The following TMCC1 variants were observed in gnomAD, a reference collection of about 807,000 sequenced individuals.
TMCC1 encodes the protein transmembrane and coiled-coil domains protein 1.
In TMCC1, 15 loss-of-function variants were observed where a neutral mutation model predicts 52.4. The observed-to-expected ratio is 0.29, with a 90% CI of 0.19 to 0.44. TMCC1 has a LOEUF of 0.44. Among genes scored for constraint, TMCC1 ranks in the 20% least tolerant of loss-of-function variants. The pLI is 1.00. For synonymous variants in TMCC1, 279 were observed against 301.9 expected, an observed-to-expected ratio of 0.92 and a Z score of 0.79; for missense variants, 503 against 806.0, an observed-to-expected ratio of 0.62 and a Z score of 4.55.
intron 4 of TMCC1, among the ~76,000 whole-genome samples, chr3:129,818,162 C>T (rs1055473440): frequency 6.6e-5 from 10 of 151,814 alleles, no homozygotes; most frequent in Non-Finnish European, 1.5e-4. Flanking sequence ...AAGCTGGTCT[C>T]GAACTCCCAA....
chr3:129,721,961 T>A (rs898885923), intron 4 of TMCC1, among the ~76,000 whole-genome samples: 1 of 152,232 alleles, frequency 6.6e-6, no homozygotes, highest in Non-Finnish European at 1.5e-5. Context: ...CAGTTTTATG[T>A]ATCTAGATTG....
chr3:129,796,922 T>A (rs1020374098), intron 4 of TMCC1, among the ~76,000 whole-genome samples: 6 of 152,142 alleles, frequency 3.9e-5, no homozygotes, highest in Non-Finnish European at 8.8e-5. Context: ...CACAAAAAAA[T>A]GAATTTGAAA....
Position 129,880,350 on chromosome 3 carries a change from G to C in TMCC1, c.-225C>G, listed in dbSNP as rs2061405784. On this transcript the variant is annotated 5_prime_UTR_variant, in exon 2 of 7. Transcript: ENST00000393238. Reference sequence around the variant, plus strand: ...CAATAGCTTCCCTTTCTTTGCATAGGTGAGGATGAACAGTTGTAATCCAAA... The same window carrying C: ...CAATAGCTTCCCTTTCTTTGCATAGCTGAGGATGAACAGTTGTAATCCAAA... 6.6e-6 allele frequency: 1 copy of C among 152,184 alleles called. No individual in the cohort carries two copies. Among genetic ancestry groups the C allele is most frequent in the Non-Finnish European group, 1.5e-5 (1 of 68,030 alleles). The allele number at this position is 152,184 out of a possible 1,614,324, so 9.4% of individuals were successfully genotyped here. A position where few individuals can be genotyped will look rare whatever the true frequency, so the allele number is the denominator to read the frequency against.
intron 4 of TMCC1, among the ~76,000 whole-genome samples, chr3:129,730,294 GTTTA>G (rs1477003567): frequency 1.3e-5 from 2 of 151,950 alleles, no homozygotes; most frequent in African/African-American, 4.8e-5. Flanking sequence ...AAGTTTCATA[GTTTA>G]TTTTATATAT....
intron 5 of TMCC1, among the ~76,000 whole-genome samples, chr3:129,669,138 T>C (rs1028022029): frequency 1.3e-5 from 2 of 152,182 alleles, no homozygotes; most frequent in Non-Finnish European, 2.9e-5. Flanking sequence ...TAACTCTTCT[T>C]AGAGATAATT....
At chr3:129,820,253 G>T (rs578112148) in intron 4 of TMCC1, among the ~76,000 whole-genome samples, 1 of 151,474 alleles carries the variant, frequency 6.6e-6, no homozygotes, top group East Asian at 1.9e-4. Flanking sequence ...ACTTCATCTT[G>T]TTTCTTCACT....
intron 4 of TMCC1, among the ~76,000 whole-genome samples, chr3:129,751,461 T>C (rs1398161151): frequency 9.2e-5 from 14 of 151,974 alleles, no homozygotes; most frequent in Admixed American, 8.5e-4. Context: ...GCCCAGGAGT[T>C]TGAGGCTGCA....
At chr3:129,783,125 C>A (rs989698890) in intron 4 of TMCC1, among the ~76,000 whole-genome samples, 4 of 152,136 alleles carry the variant, frequency 2.6e-5, no homozygotes, top group African/African-American at 9.7e-5. Flanking sequence ...GTATGTCAGA[C>A]CCAGGGACAG....
chr3:129,879,528 C>T (rs2061369966), intron 2 of TMCC1, among the ~76,000 whole-genome samples: 1 of 152,192 alleles, frequency 6.6e-6, no homozygotes, highest in Non-Finnish European at 1.5e-5. Context: ...AATAACAATC[C>T]TTTACATTGA....
intron 2 of TMCC1, among the ~76,000 whole-genome samples, chr3:129,852,642 G>A (rs549850375): frequency 6.6e-6 from 1 of 152,042 alleles, no homozygotes; most frequent in Non-Finnish European, 1.5e-5. Flanking sequence ...CATTATGAAT[G>A]TATTTAATAC....
rs1006721641 is a variant in TMCC1 at position 129,685,650 on chromosome 3, G to C, written c.577-14386C>G. On this transcript the variant is annotated intron_variant, in intron 4 of 6. Coordinates refer to ENST00000393238, the MANE Select transcript of TMCC1 (RefSeq NM_001017395.5). ...GCTGTAGTGAGAAATGGGCTGCCAAGGTAGGTCTAAACTACTGTTCTAAAT... is the reference window on the plus strand; with the variant it reads ...GCTGTAGTGAGAAATGGGCTGCCAACGTAGGTCTAAACTACTGTTCTAAAT... 1.3e-5 allele frequency among the ~76,000 whole-genome samples: 2 copies of C among 152,184 alleles called. 1 individual carries two copies. The highest frequency in any genetic ancestry group is 3.8e-4 in the East Asian group (2 of 5,196).
intron 1 of TMCC1, among the ~76,000 whole-genome samples, chr3:129,883,510 A>G (rs1203764955): frequency 6.6e-6 from 1 of 152,130 alleles, no homozygotes; most frequent in Non-Finnish European, 1.5e-5. Flanking sequence ...GCTATTCAGG[A>G]GGCTGAAGTG....
intron 4 of TMCC1, among the ~76,000 whole-genome samples, chr3:129,763,902 TAAAAAAA>T (rs199688769): frequency 3.6e-5 from 5 of 139,960 alleles, no homozygotes; most frequent in African/African-American, 1.3e-4. Context: ...TCTACTTACT[TAAAAAAA>T]AAAAAAGTTT....
chr3:129,890,133 A>G (rs2108019052), intron 1 of TMCC1, among the ~76,000 whole-genome samples: 1 of 152,230 alleles, frequency 6.6e-6, no homozygotes, highest in East Asian at 1.9e-4. Context: ...ATCTTTAAAA[A>G]AAAGAAAAAT....
intron 4 of TMCC1, among the ~76,000 whole-genome samples, chr3:129,774,614 T>C (rs1417453170): frequency 6.6e-6 from 1 of 152,186 alleles, no homozygotes; most frequent in Non-Finnish European, 1.5e-5. Flanking sequence ...AACCTAGAGC[T>C]GGCAGATCAG....
chr3:129,812,541 A>G (rs1184063830), intron 4 of TMCC1, among the ~76,000 whole-genome samples: 1 of 152,050 alleles, frequency 6.6e-6, no homozygotes. Context: ...TGAAGAAGCT[A>G]TAAATTTATT....
intron 2 of TMCC1, among the ~76,000 whole-genome samples, chr3:129,860,488 C>A (rs2060338920): frequency 6.6e-6 from 1 of 152,132 alleles, no homozygotes; most frequent in African/African-American, 2.4e-5. Flanking sequence ...ATGTTTGCAC[C>A]TGAGTCTACA....
chr3:129,681,449 GT>G (rs201262071), intron 4 of TMCC1, among the ~76,000 whole-genome samples: 21 of 146,542 alleles, frequency 1.4e-4, no homozygotes, highest in South Asian at 2.2e-4. Flanking sequence ...AGTAGTCAAC[GT>G]TTTTTTTTTT....
chr3:129,694,298 A>T (rs1449366042), intron 4 of TMCC1, among the ~76,000 whole-genome samples: 2 of 152,220 alleles, frequency 1.3e-5, no homozygotes, highest in Non-Finnish European at 2.9e-5. Context: ...TCAAAACTGT[A>T]TGGCTCTGGA....
Sources: gnomAD v4.1 joint callset for allele counts (sites outside exome capture counted in the v4.1 genomes callset) on GRCh38, gnomAD v4.1.1 for gene constraint, MANE v1.5 for transcripts, NCBI Gene and HGNC (gene_info 2026-07-23, HGNC 2026-07-21) for gene names.